The following LPP variants were observed in gnomAD, a reference collection of about 807,000 sequenced individuals.
LPP encodes the protein lipoma-preferred partner.
Under a neutral mutation model 60.4 loss-of-function variants are expected in LPP, and 38 were observed. The ratio of observed to expected loss-of-function variants is 0.63; its 90% CI spans 0.49 to 0.83. The LOEUF is 0.83. Ranked by LOEUF, LPP falls within the 40% of genes least tolerant of loss-of-function variation. LPP has a pLI of 0.00. For missense variants in LPP, 902 were observed against 783.6 expected (o/e 1.15, Z -1.80); for synonymous variants, 328 against 290.8 (o/e 1.13, Z -1.30).
intron 7 of LPP, among the ~76,000 whole-genome samples, chr3:188,630,940 A>G (rs1266549915): frequency 6.6e-6 from 1 of 152,236 alleles, no homozygotes; most frequent in East Asian, 1.9e-4. Flanking sequence ...CAAATACCAC[A>G]TGTTTTCACT....
chr3:188,220,324 C>T (rs1248896940), intron 1 of LPP, among the ~76,000 whole-genome samples: 1 of 152,146 alleles, frequency 6.6e-6, no homozygotes, highest in African/African-American at 2.4e-5. Context: ...GCATTGTTAC[C>T]TGTGCTTCTT....
chr3:188,504,878 C>A (rs1322843858), intron 5 of LPP, among the ~76,000 whole-genome samples: 1 of 151,810 alleles, frequency 6.6e-6, no homozygotes, highest in African/African-American at 2.4e-5. Context: ...ATGATAGTTG[C>A]CCCTTTTTCT....
chr3:188,403,516 C>T (rs1368614175), intron 3 of LPP, among the ~76,000 whole-genome samples: 1 of 152,132 alleles, frequency 6.6e-6, no homozygotes, highest in Non-Finnish European at 1.5e-5. Context: ...TAAACCTTTA[C>T]TTGATCCCTT....
intron 6 of LPP, among the ~76,000 whole-genome samples, chr3:188,597,254 T>A (rs145584584): frequency 1.3e-5 from 2 of 152,306 alleles, no homozygotes; most frequent in East Asian, 3.9e-4. Flanking sequence ...ATGTTTCAGT[T>A]ATGCACAGAT....
At chr3:188,467,888 C>G (rs536017139) in intron 4 of LPP, among the ~76,000 whole-genome samples, 2 of 152,160 alleles carry the variant, frequency 1.3e-5, no homozygotes, top group Non-Finnish European at 2.9e-5. Flanking sequence ...TAACTGATTT[C>G]TGATTTATAG....
At chr3:188,291,807 A>G (rs543646013) in intron 2 of LPP, among the ~76,000 whole-genome samples, 62 of 152,242 alleles carry the variant, frequency 4.1e-4, no homozygotes, top group African/African-American at 1.4e-3. Flanking sequence ...TCCCTTTTAG[A>G]AATGGTGGAT....
At chr3:188,650,240 A>G (rs1272546988) in intron 7 of LPP, among the ~76,000 whole-genome samples, 2 of 152,194 alleles carry the variant, frequency 1.3e-5, no homozygotes, top group South Asian at 2.1e-4. Flanking sequence ...CACTCCATAG[A>G]TGAGTTAAAG....
intron 3 of LPP, among the ~76,000 whole-genome samples, chr3:188,360,098 C>T (rs759364830): frequency 9.9e-5 from 15 of 152,154 alleles, no homozygotes; most frequent in East Asian, 1.9e-4. Context: ...GCTTCCTTAT[C>T]GTTAGTGTCA....
chr3:188,754,618 C>T (rs1242390829), intron 8 of LPP, among the ~76,000 whole-genome samples: 1 of 152,038 alleles, frequency 6.6e-6, no homozygotes, highest in African/African-American at 2.4e-5. Context: ...ACCTCCAGAC[C>T]AATGAAATCA....
In LPP at chr3:188,154,215, A is replaced by G. The variant is rs867257082; in HGVS notation, c.-227A>G. Among the ~76,000 whole-genome samples the G allele has an allele frequency of 8.5e-5, 12 of 141,540 alleles. No homozygotes were observed. The highest frequency in any genetic ancestry group is 1.4e-4 in the Non-Finnish European group (9 of 62,532). The allele number at this position is 141,540 out of a possible 152,430, so 92.9% of individuals were successfully genotyped here. A position where few individuals can be genotyped will look rare whatever the true frequency, so the allele number is the denominator to read the frequency against. On this transcript the variant is annotated 5_prime_UTR_variant, in exon 1 of 12. Transcript: ENST00000617246. ...CGCCGCCGCCGCCGCCGCCGCCGCC[A>G]CCACCACCGCCGCTGCCCCGGCTGC...
chr3:188,195,170 A>G (rs913329039), intron 1 of LPP, among the ~76,000 whole-genome samples: 16 of 151,942 alleles, frequency 1.1e-4, no homozygotes, highest in Admixed American at 3.9e-4. Context: ...TAGGCAGGAG[A>G]ATTGCTTGAA....
At chr3:188,270,349 G>A (rs985572699) in intron 2 of LPP, among the ~76,000 whole-genome samples, 2 of 151,948 alleles carry the variant, frequency 1.3e-5, no homozygotes, top group Non-Finnish European at 2.9e-5. Flanking sequence ...AGCCTCTTAC[G>A]TGTGTTAAAC....
intron 2 of LPP, among the ~76,000 whole-genome samples, chr3:188,253,396 T>TATAAA (rs1456726758): frequency 2.0e-5 from 3 of 152,218 alleles, no homozygotes; most frequent in African/African-American, 2.4e-5. Flanking sequence ...TTTAGATCTT[T>TATAAA]AATTCATCTG....
chr3:188,268,916 T>G (rs1417697949), intron 2 of LPP, among the ~76,000 whole-genome samples: 1 of 124,062 alleles, frequency 8.1e-6, no homozygotes, highest in East Asian at 2.1e-4. Context: ...TAGAAATTAT[T>G]ATGTCCAGTT....
chr3:188,347,172 A>G (rs781499470), intron 3 of LPP, among the ~76,000 whole-genome samples: 47 of 152,344 alleles, frequency 3.1e-4, no homozygotes, highest in Non-Finnish European at 5.3e-4. Context: ...GAATACCTCC[A>G]GAGATAACAT....
rs546800187 is a variant in LPP at position 188,704,569 on chromosome 3, G to T, written c.1114-3698G>T. Among the ~76,000 whole-genome samples, 12 of 152,136 alleles carry T rather than the reference G, an allele frequency of 7.9e-5. 1 individual carries two copies. In the South Asian group the frequency reaches 2.5e-3, roughly 32 times the overall value. On this transcript the variant is annotated intron_variant, in intron 7 of 11. Transcript: ENST00000617246. The stretch of plus-strand genomic sequence containing the variant: ...AAACTCACCATCTCATTTCAGTCTT[G>T]CTGCTCTCCCATTCACCCTCTACTT...
chr3:188,367,483 T>C (rs1771565264), intron 3 of LPP, among the ~76,000 whole-genome samples: 2 of 152,188 alleles, frequency 1.3e-5, no homozygotes, highest in Non-Finnish European at 2.9e-5. Flanking sequence ...ATATCTGGTG[T>C]GGATAAAAAT....
chr3:188,473,322 T>C (rs1035716942), intron 4 of LPP, among the ~76,000 whole-genome samples: 3 of 152,222 alleles, frequency 2.0e-5, no homozygotes, highest in African/African-American at 7.2e-5. Flanking sequence ...ATTTCATTGA[T>C]TGTCCTAGTG....
intron 8 of LPP, chr3:188,710,312 G>T (rs750351671): frequency 6.6e-6 from 1 of 152,136 alleles, no homozygotes; most frequent in Non-Finnish European, 1.5e-5. Context: ...GAAACATCTG[G>T]TTGTGGTCTC....
Sources: gnomAD v4.1 joint callset for allele counts (sites outside exome capture counted in the v4.1 genomes callset) on GRCh38, gnomAD v4.1.1 for gene constraint, MANE v1.5 for transcripts, NCBI Gene and HGNC (gene_info 2026-07-23, HGNC 2026-07-21) for gene names.